Variants in KCTD9 observed in about 807,000 individuals in gnomAD.
The protein encoded by KCTD9 is BTB/POZ domain-containing protein KCTD9.
A neutral mutation model predicts 53.3 loss-of-function variants in KCTD9; 17 were observed. The ratio of observed to expected loss-of-function variants is 0.32; its 90% CI spans 0.22 to 0.48. The LOEUF is 0.48. KCTD9 is among the 20% of genes least tolerant of loss of function. The pLI, the probability that KCTD9 is intolerant of heterozygous loss-of-function variation, is 0.99. For missense variants in KCTD9, 179 were observed against 465.5 expected, an observed-to-expected ratio of 0.38 and a Z score of 5.66; for synonymous variants, 128 against 162.7, an observed-to-expected ratio of 0.79 and a Z score of 1.62.
chr8:25,443,951 C>T (rs1461371675), intron 3 of KCTD9, among the ~76,000 whole-genome samples: 1 of 152,044 alleles, frequency 6.6e-6, no homozygotes, highest in Non-Finnish European at 1.5e-5. Flanking sequence ...ATATGTAATA[C>T]AACACGTAGA....
Position 25,440,510 on chromosome 8 carries a change from T to G in KCTD9, c.311+67A>C, listed in dbSNP as rs1226308469. The G allele has an allele frequency of 4.7e-5, 49 of 1,032,836 alleles. No individual in the cohort carries two copies. In the South Asian group the frequency reaches 6.1e-4, roughly 13 times the overall value. The allele number at this position is 1,032,836 out of a possible 1,614,324, so 64.0% of individuals were successfully genotyped here. A position where few individuals can be genotyped will look rare whatever the true frequency, so the allele number is the denominator to read the frequency against. On this transcript the variant is annotated intron_variant, in intron 4 of 11. Transcript: ENST00000221200. ...GTATCTTTTAAGGAAATCAGCAAAT[T>G]GAAGAACAAAGGGTACACAGTGCTT...
intron 8 of KCTD9, among the ~76,000 whole-genome samples, chr8:25,435,771 A>T (rs1465843406): frequency 6.6e-6 from 1 of 152,170 alleles, no homozygotes; most frequent in African/African-American, 2.4e-5. Flanking sequence ...GAAGCTTCTA[A>T]AGAGGGATCC....
chr8:25,442,281 AAG>A (rs1443771700), intron 3 of KCTD9, among the ~76,000 whole-genome samples: 1 of 152,190 alleles, frequency 6.6e-6, no homozygotes, highest in African/African-American at 2.4e-5. Flanking sequence ...ACTTTAAAGA[AAG>A]AGAAATATCC....
At chr8:25,451,527 C>T (rs1802319458) in intron 1 of KCTD9, 1 of 152,130 alleles carries the variant, frequency 6.6e-6, no homozygotes, top group African/African-American at 2.4e-5. Flanking sequence ...GGATTATCTA[C>T]CTTAACAACT....
intron 1 of KCTD9, among the ~76,000 whole-genome samples, chr8:25,451,887 T>C (rs899169907): frequency 1.8e-4 from 28 of 152,318 alleles, no homozygotes; most frequent in African/African-American, 6.5e-4. Flanking sequence ...TCAACTTTTA[T>C]TGCCACTTTA....
intron 1 of KCTD9, among the ~76,000 whole-genome samples, 155 bp downstream of exon 1, chr8:25,458,044 G>A (rs1453265583): frequency 6.6e-6 from 1 of 151,826 alleles, no homozygotes; most frequent in Non-Finnish European, 1.5e-5. Context: ...GGAGGAGGCC[G>A]CGGGGACCCT....
At chr8:25,444,057 G>A (rs935382380) in intron 3 of KCTD9, among the ~76,000 whole-genome samples, 1 of 152,070 alleles carries the variant, frequency 6.6e-6, no homozygotes, top group Non-Finnish European at 1.5e-5. Flanking sequence ...TAATGAATAT[G>A]TATACCTCCA....
intron 1 of KCTD9, among the ~76,000 whole-genome samples, chr8:25,451,932 A>G (rs1364922581): frequency 2.6e-5 from 4 of 152,194 alleles, no homozygotes; most frequent in Non-Finnish European, 4.4e-5. Context: ...ACAATTTACC[A>G]TATCACTAAA....
At position 25,429,767 on chromosome 8, in the gene KCTD9, A is replaced by C; in HGVS notation, c.*90T>G. Reference sequence around the variant, plus strand: ...TTTTTTTAAATTTCCTTACAGTGTTATTTCTTCTAGACAACTGAGTGGGTG... The same window carrying C: ...TTTTTTTAAATTTCCTTACAGTGTTCTTTCTTCTAGACAACTGAGTGGGTG... On this transcript the variant is annotated 3_prime_UTR_variant, in exon 12 of 12. Transcript: ENST00000221200. 2.8e-6 allele frequency: 2 copies of C among 724,250 alleles called. No individual in the cohort carries two copies. Among genetic ancestry groups the C allele is most frequent in the Non-Finnish European group, 2.5e-6 (1 of 400,260 alleles). 44.9% of individuals were successfully genotyped at this position (724,250 alleles called of 1,614,324 possible).
Position 25,436,228 on chromosome 8 carries a change from T to C in KCTD9, c.663+7A>G. On this transcript the variant is annotated splice_region_variant and intron_variant, in intron 8 of 11. Transcript: ENST00000221200. The stretch of plus-strand genomic sequence containing the variant: ...AGAAATAATTGATGTAAAAGCCTGC[T>C]AATTACCTGGCATCGCAGTTCTGAC... The C allele has an allele frequency of 1.0e-5, 16 of 1,536,076 alleles. No homozygotes were observed. Among genetic ancestry groups the C allele is most frequent in the Non-Finnish European group, 1.4e-5 (16 of 1,110,640 alleles).
intron 1 of KCTD9, among the ~76,000 whole-genome samples, chr8:25,452,167 T>C (rs1257914850): frequency 1.3e-5 from 2 of 152,120 alleles, no homozygotes; most frequent in African/African-American, 4.8e-5. Flanking sequence ...TTTAGTCAAA[T>C]ACATTTTAAA....
At chr8:25,436,173 A>G in intron 8 of KCTD9, 62 bp downstream of exon 8, 2 of 1,017,044 alleles carry the variant, frequency 2.0e-6, no homozygotes, top group Non-Finnish European at 3.1e-6. Flanking sequence ...CACTAGAAGA[A>G]TGTAAAATTT....
At chr8:25,446,382 T>TGCC (rs1317526844) in intron 1 of KCTD9, 132 bp from the exon 2 acceptor site, 11 of 1,002,984 alleles carry the variant, frequency 1.1e-5, no homozygotes, top group Admixed American at 2.5e-5. Context: ...TTCTTAACAG[T>TGCC]GCCCCCTTTT....
intron 4 of KCTD9, 28 bp from the exon 5 acceptor site, chr8:25,439,692 T>A: frequency 6.2e-7 from 1 of 1,612,928 alleles, no homozygotes; most frequent in Non-Finnish European, 8.5e-7. Flanking sequence ...AAAATTGATT[T>A]CTCCATTTGT....
At chr8:25,457,278 C>T in intron 1 of KCTD9, 1 of 795,726 alleles carries the variant, frequency 1.3e-6, no homozygotes, top group African/African-American at 1.8e-5. Context: ...GCAACCAACA[C>T]AGCGAGACCC....
At chr8:25,453,041 C>T (rs4871942) in intron 1 of KCTD9, among the ~76,000 whole-genome samples, 146,677 of 152,248 alleles carry the variant, frequency 0.96, 70,854 homozygotes, top group East Asian at 1. Flanking sequence ...TTTGAGATAC[C>T]GTATGTCCCG....
chr8:25,444,378 A>G (rs377114101), intron 2 of KCTD9, 43 bp from the exon 3 acceptor site: 34 of 1,543,672 alleles, frequency 2.2e-5, no homozygotes, highest in Non-Finnish European at 2.8e-5. Context: ...AAAATCTAAA[A>G]ATCACATTAA....
intron 1 of KCTD9, among the ~76,000 whole-genome samples, chr8:25,456,782 T>C (rs1258437103): frequency 6.6e-6 from 1 of 152,192 alleles, no homozygotes; most frequent in East Asian, 1.9e-4. Flanking sequence ...TTGGGAGAGA[T>C]TTAGAGCAAA....
chr8:25,440,382 G>GTGAT (rs1441948397), intron 4 of KCTD9, among the ~76,000 whole-genome samples, 195 bp downstream of exon 4: 2 of 152,184 alleles, frequency 1.3e-5, no homozygotes, highest in African/African-American at 4.8e-5. Context: ...AAACACTGAA[G>GTGAT]TGATGCCTTT....
Sources: gnomAD v4.1 joint callset for allele counts (sites outside exome capture counted in the v4.1 genomes callset) on GRCh38, gnomAD v4.1.1 for gene constraint, MANE v1.5 for transcripts, NCBI Gene and HGNC (gene_info 2026-07-23, HGNC 2026-07-21) for gene names.